EYA3: variants seen among roughly 807,000 people sequenced by gnomAD.
EYA3 encodes protein phosphatase EYA3.
In EYA3, 39 loss-of-function variants were observed where a neutral mutation model predicts 80.0. The ratio of observed to expected loss-of-function variants is 0.49; its 90% CI spans 0.38 to 0.64. EYA3 has a LOEUF of 0.64. Ranked by LOEUF, EYA3 falls within the 30% of genes least tolerant of loss-of-function variation. EYA3 has a pLI of 0.00. For missense variants in EYA3, 523 were observed against 676.1 expected (o/e 0.77, Z 2.51); for synonymous variants, 206 against 232.8 (o/e 0.88, Z 1.05).
At chr1:28,065,793 A>G (rs1644816248) in intron 1 of EYA3, among the ~76,000 whole-genome samples, 1 of 151,208 alleles carries the variant, frequency 6.6e-6, no homozygotes, top group Non-Finnish European at 1.5e-5. Context: ...TCATGAGGTC[A>G]GGAGTTCAAG....
intron 16 of EYA3, 137 bp downstream of exon 16, chr1:27,988,398 A>G (rs1274668375): frequency 2.1e-6 from 2 of 963,610 alleles, no homozygotes; most frequent in East Asian, 5.4e-5. Flanking sequence ...ATTACTGAAA[A>G]TATTAGAAGA....
chr1:28,024,828 A>T (rs576862017), intron 7 of EYA3, among the ~76,000 whole-genome samples: 1 of 152,312 alleles, frequency 6.6e-6, no homozygotes, highest in South Asian at 2.1e-4. Flanking sequence ...AGATCTACTC[A>T]TTCAAAACAT....
intron 1 of EYA3, among the ~76,000 whole-genome samples, chr1:28,074,395 T>C (rs1390216873): frequency 9.2e-5 from 14 of 152,208 alleles, no homozygotes; most frequent in Admixed American, 9.2e-4. Flanking sequence ...ATACATGTTA[T>C]TTTAGCCACC....
intron 4 of EYA3, among the ~76,000 whole-genome samples, chr1:28,039,796 C>T (rs902676320): frequency 6.6e-6 from 1 of 152,148 alleles, no homozygotes; most frequent in Non-Finnish European, 1.5e-5. Flanking sequence ...TTGTCCAATG[C>T]TATTGTTTGA....
At chr1:28,077,609 T>C (rs1054201530) in intron 1 of EYA3, among the ~76,000 whole-genome samples, 2 of 152,076 alleles carry the variant, frequency 1.3e-5, no homozygotes, top group Non-Finnish European at 2.9e-5. Context: ...AGAATTTCTC[T>C]GTTTGTAGTG....
At chr1:28,075,421 C>T (rs1241822159) in intron 1 of EYA3, among the ~76,000 whole-genome samples, 3 of 152,154 alleles carry the variant, frequency 2.0e-5, no homozygotes, top group Admixed American at 6.5e-5. Context: ...GTTGTTTGTA[C>T]TAAGTGAGCT....
chr1:28,077,556 C>G (rs1006044219), intron 1 of EYA3, among the ~76,000 whole-genome samples: 2 of 152,092 alleles, frequency 1.3e-5, no homozygotes, highest in African/African-American at 4.8e-5. Flanking sequence ...TTTCTTCCAA[C>G]ACTCCTTGGA....
intron 4 of EYA3, among the ~76,000 whole-genome samples, chr1:28,041,357 T>A (rs926643654): frequency 9.9e-5 from 15 of 150,954 alleles, no homozygotes; most frequent in African/African-American, 3.7e-4. Flanking sequence ...AGAGCGAAAC[T>A]CCACCTCTAA....
At chr1:28,052,540 G>T (rs1644287575) in intron 2 of EYA3, among the ~76,000 whole-genome samples, 1 of 152,154 alleles carries the variant, frequency 6.6e-6, no homozygotes, top group Non-Finnish European at 1.5e-5. Flanking sequence ...AAATAAAGCT[G>T]AACTCGTACC....
At chr1:27,993,255 C>G (rs1346500111) in intron 14 of EYA3, 145 bp downstream of exon 14, 1 of 863,284 alleles carries the variant, frequency 1.2e-6, no homozygotes, top group Non-Finnish European at 1.7e-6. Flanking sequence ...TCAACCAAAC[C>G]TCTATTTTTT....
At chr1:28,048,455 A>G (rs1052420713) in intron 2 of EYA3, 29 bp from the exon 3 acceptor site, 23 of 1,581,184 alleles carry the variant, frequency 1.5e-5, no homozygotes, top group Non-Finnish European at 2.0e-5. Context: ...AAAGGTATCA[A>G]TGTACTTGAT....
At chr1:28,066,978 G>C (rs773896487) in intron 1 of EYA3, among the ~76,000 whole-genome samples, 7 of 151,962 alleles carry the variant, frequency 4.6e-5, no homozygotes, top group African/African-American at 7.2e-5. Context: ...ATATTCTTAA[G>C]ATACGACTTC....
intron 7 of EYA3, among the ~76,000 whole-genome samples, chr1:28,025,569 A>G (rs909683356): frequency 6.6e-6 from 1 of 152,204 alleles, no homozygotes; most frequent in Admixed American, 6.5e-5. Context: ...CGTGTGCAAC[A>G]TCTATCCACT....
chr1:27,996,594 G>GTCCTTAT (rs1169534914), intron 13 of EYA3, among the ~76,000 whole-genome samples: 2 of 152,174 alleles, frequency 1.3e-5, no homozygotes, highest in Non-Finnish European at 2.9e-5. Flanking sequence ...ACCTGACTAG[G>GTCCTTAT]TCCTTATTAA....
At chr1:27,999,611 ACT>A (rs1330639888) in intron 12 of EYA3, among the ~76,000 whole-genome samples, 2 of 152,054 alleles carry the variant, frequency 1.3e-5, no homozygotes, top group Non-Finnish European at 2.9e-5. Flanking sequence ...AAATAATCAA[ACT>A]CACTTTATAT....
At chr1:27,978,773 G>A (rs1280962090) in intron 16 of EYA3, among the ~76,000 whole-genome samples, 1 of 152,322 alleles carries the variant, frequency 6.6e-6, no homozygotes, top group Admixed American at 6.5e-5. Flanking sequence ...AGACCAGCCT[G>A]ACCAACATGG....
At chr1:28,072,774 A>T (rs1329084118) in intron 1 of EYA3, among the ~76,000 whole-genome samples, 5 of 152,090 alleles carry the variant, frequency 3.3e-5, no homozygotes, top group Non-Finnish European at 7.4e-5. Context: ...AAAAACCTGT[A>T]TATAAATGTG....
At chr1:27,991,266 G>A (rs1463080764) in intron 14 of EYA3, among the ~76,000 whole-genome samples, 3 of 152,134 alleles carry the variant, frequency 2.0e-5, no homozygotes, top group Non-Finnish European at 4.4e-5. Flanking sequence ...GTCTTAAGAA[G>A]TCTTTCCACT....
At chr1:27,977,835 G>A (rs971535806) in intron 17 of EYA3, among the ~76,000 whole-genome samples, 5 of 140,706 alleles carry the variant, frequency 3.6e-5, no homozygotes, top group Non-Finnish European at 7.7e-5. Context: ...GAGATAGAGT[G>A]AGACTCTATC....
Sources: allele counts gnomAD v4.1 joint callset (sites outside exome capture counted in the v4.1 genomes callset), GRCh38; gene constraint gnomAD v4.1.1; transcripts MANE v1.5; gene names NCBI Gene and HGNC (gene_info 2026-07-23, HGNC 2026-07-21).